ERN1: variants seen among roughly 807,000 people sequenced by gnomAD.
ERN1 encodes endoplasmic reticulum to nucleus signaling 1.
ERN1 carries 39 observed loss-of-function variants against 113.1 expected under a neutral mutation model. The ratio of observed to expected loss-of-function variants is 0.34; its 90% CI spans 0.27 to 0.45. The LOEUF is 0.45. Among genes scored for constraint, ERN1 ranks in the 20% least tolerant of loss-of-function variants. The pLI is 1.00. For synonymous variants in ERN1, 507 were observed against 515.9 expected (o/e 0.98, Z 0.23); for missense variants, 976 against 1,274.8 (o/e 0.77, Z 3.57).
At chr17:64,097,589 C>A (rs1168271445) in intron 2 of ERN1, among the ~76,000 whole-genome samples, 1 of 152,172 alleles carries the variant, frequency 6.6e-6, no homozygotes, top group African/African-American at 2.4e-5. Flanking sequence ...AAGATCAGAT[C>A]ATAACATGGA....
rs1435850704 is a variant in ERN1 at position 64,042,292 on chromosome 17, G to A, written c.*1696C>T. The A allele has an allele frequency of 6.6e-6, 1 of 152,156 alleles. No homozygotes were observed. The highest frequency in any genetic ancestry group is 2.4e-5 in the African/African-American group (1 of 41,420). 9.4% of individuals were successfully genotyped at this position (152,156 alleles called of 1,614,324 possible). ...GTTCCAAGGCCTAAGTGAGGTAATC[G>A]ATGAGATTTAAGGATGTAGGATCAC... On this transcript the variant is annotated 3_prime_UTR_variant, in exon 22 of 22. Transcript: ENST00000433197.
intron 2 of ERN1, among the ~76,000 whole-genome samples, chr17:64,082,652 T>C (rs1354986257): frequency 6.6e-6 from 1 of 152,184 alleles, no homozygotes; most frequent in Non-Finnish European, 1.5e-5. Context: ...TGCTGTACAG[T>C]GTTTGCTCAG....
intron 1 of ERN1, among the ~76,000 whole-genome samples, chr17:64,118,855 G>A (rs548124225): frequency 2.2e-4 from 33 of 152,280 alleles, no homozygotes; most frequent in African/African-American, 6.5e-4. Context: ...ATGAAAAGGG[G>A]AAGGGAGTGT....
intron 1 of ERN1, among the ~76,000 whole-genome samples, chr17:64,102,451 G>C (rs1914412623): frequency 6.6e-6 from 1 of 152,194 alleles, no homozygotes; most frequent in Non-Finnish European, 1.5e-5. Flanking sequence ...TTCTTCTCAA[G>C]GCTCTCAACT....
intron 12 of ERN1, 48 bp from the exon 13 acceptor site, chr17:64,055,996 G>T: frequency 1.3e-6 from 2 of 1,492,626 alleles, no homozygotes; most frequent in Non-Finnish European, 1.8e-6. Context: ...TTCCCACAGG[G>T]AAACAAGCAG....
intron 1 of ERN1, among the ~76,000 whole-genome samples, chr17:64,113,842 C>T (rs1914736385): frequency 6.6e-6 from 1 of 152,030 alleles, no homozygotes; most frequent in Non-Finnish European, 1.5e-5. Flanking sequence ...ACCACCATGC[C>T]CGGCTAATTT....
chr17:64,057,746 C>T (rs1912918444), intron 12 of ERN1, 56 bp downstream of exon 12: 27 of 1,498,326 alleles, frequency 1.8e-5, no homozygotes, highest in Non-Finnish European at 2.4e-5. Context: ...CATGAGGCGA[C>T]AGGCAGAGAA....
At chr17:64,097,594 C>T (rs16947484) in intron 2 of ERN1, among the ~76,000 whole-genome samples, 1 of 152,182 alleles carries the variant, frequency 6.6e-6, no homozygotes. Flanking sequence ...CAGATCATAA[C>T]ATGGACGCAT....
At position 64,043,029 on chromosome 17, in the gene ERN1, G is replaced by A. The variant is rs984684403; in HGVS notation, c.*959C>T. 1 of 152,348 alleles carries A rather than the reference G, an allele frequency of 6.6e-6. No homozygotes were observed. The highest frequency in any genetic ancestry group is 1.5e-5 in the Non-Finnish European group (1 of 68,046). 9.4% of individuals were successfully genotyped at this position (152,348 alleles called of 1,614,324 possible). A position where few individuals can be genotyped will look rare whatever the true frequency, so the allele number is the denominator to read the frequency against. ...ACCCACCCTGGCCCTGACTCACCAC[G>A]AGCCTCTTGTTCCACCGGCCTTGGG... On this transcript the variant is annotated 3_prime_UTR_variant, in exon 22 of 22. Coordinates refer to ENST00000433197, the MANE Select transcript of ERN1 (RefSeq NM_001433.5).
intron 13 of ERN1, 134 bp downstream of exon 13, chr17:64,055,541 C>T: frequency 5.8e-6 from 5 of 864,582 alleles, no homozygotes; most frequent in Non-Finnish European, 8.3e-6. Flanking sequence ...ACAGAGACCC[C>T]CAGAGTGGAA....
At chr17:64,065,080 G>C in intron 9 of ERN1, 129 bp downstream of exon 9, 1 of 629,074 alleles carries the variant, frequency 1.6e-6, no homozygotes, top group Admixed American at 3.3e-5. Flanking sequence ...TGCAGAAACT[G>C]TTTTTGAGAA....
chr17:64,082,754 T>C (rs1913805545), intron 2 of ERN1, among the ~76,000 whole-genome samples: 1 of 152,206 alleles, frequency 6.6e-6, no homozygotes, highest in African/African-American at 2.4e-5. Flanking sequence ...TCCCAAGATA[T>C]GCCCTGTATC....
At chr17:64,057,754 G>T in intron 12 of ERN1, 48 bp downstream of exon 12, 2 of 1,546,064 alleles carry the variant, frequency 1.3e-6, no homozygotes, top group Non-Finnish European at 1.8e-6. Context: ...GACAGGCAGA[G>T]AAGCCCCAGA....
At position 64,069,073 on chromosome 17, in the gene ERN1, G is replaced by T. The variant is rs114023378; in HGVS notation, c.479-782C>A. On this transcript the variant is annotated intron_variant, in intron 6 of 21. Coordinates refer to ENST00000433197, the MANE Select transcript of ERN1 (RefSeq NM_001433.5). ...ACTTTAGGGAAAAGATCAAATCCAGGGTACTGCCAGCAACAAAAAATGGGC... is the reference window on the plus strand; with the variant it reads ...ACTTTAGGGAAAAGATCAAATCCAGTGTACTGCCAGCAACAAAAAATGGGC... Among the ~76,000 whole-genome samples the T allele has an allele frequency of 3.3e-3, 508 of 152,226 alleles. 2 individuals are homozygous for T. Among genetic ancestry groups the T allele is most frequent in the African/African-American group, 0.012 (480 of 41,538 alleles).
rs1912414212 is a variant in ERN1, at chr17:64,043,759, T to TA, written c.*228dup. On this transcript the variant is annotated 3_prime_UTR_variant, in exon 22 of 22. Coordinates refer to ENST00000433197, the MANE Select transcript of ERN1 (RefSeq NM_001433.5). Reference sequence around the variant, plus strand: ...CCCTCCTTTGCAGACATCATGACCGTAAGGCTTTTGGGGCCAGCATCTTCC... The same window carrying TA: ...CCCTCCTTTGCAGACATCATGACCGTAAAGGCTTTTGGGGCCAGCATCTTCC... The TA allele has an allele frequency of 4.5e-6, 2 of 439,670 alleles. No individual in the cohort carries two copies. Among genetic ancestry groups the TA allele is most frequent in the Non-Finnish European group, 8.0e-6 (2 of 248,658 alleles). The allele number at this position is 439,670 out of a possible 1,614,324, so 27.2% of individuals were successfully genotyped here. A position where few individuals can be genotyped will look rare whatever the true frequency, so the allele number is the denominator to read the frequency against.
At chr17:64,075,027 A>G in intron 5 of ERN1, 148 bp downstream of exon 5, 1 of 674,754 alleles carries the variant, frequency 1.5e-6, no homozygotes, top group Non-Finnish European at 2.6e-6. Context: ...TGGTCAGCTG[A>G]TCCTGGGGAG....
chr17:64,059,150 A>G (rs1239066345), intron 11 of ERN1, among the ~76,000 whole-genome samples: 2 of 152,216 alleles, frequency 1.3e-5, no homozygotes, highest in African/African-American at 4.8e-5. Context: ...CAGGACTTTA[A>G]TAAGATTATA....
At chr17:64,116,992 T>A (rs1170804947) in intron 1 of ERN1, among the ~76,000 whole-genome samples, 1 of 150,094 alleles carries the variant, frequency 6.7e-6, no homozygotes, top group Non-Finnish European at 1.5e-5. Context: ...TGTGCCTGTA[T>A]TCCCAGCTAC....
chr17:64,106,544 G>C (rs1259765839), intron 1 of ERN1, among the ~76,000 whole-genome samples: 1 of 152,202 alleles, frequency 6.6e-6, no homozygotes, highest in Non-Finnish European at 1.5e-5. Context: ...GAGGGGTGCT[G>C]TCTAGATGGA....
Sources: allele counts gnomAD v4.1 joint callset (sites outside exome capture counted in the v4.1 genomes callset), GRCh38; gene constraint gnomAD v4.1.1; transcripts MANE v1.5; gene names NCBI Gene and HGNC (gene_info 2026-07-23, HGNC 2026-07-21).